GALNT16: variants seen among roughly 807,000 people sequenced by gnomAD.
GALNT16 encodes the protein UDP-GalNAc:polypeptide N-acetylgalactosaminyltransferase-like protein 1.
A neutral mutation model predicts 76.1 loss-of-function variants in GALNT16; 40 were observed. The ratio of observed to expected loss-of-function variants is 0.53; its 90% CI spans 0.41 to 0.68. GALNT16 has a LOEUF of 0.68. Ranked by LOEUF, GALNT16 falls within the 30% of genes least tolerant of loss-of-function variation. The pLI is 0.00. For missense variants in GALNT16, 621 were observed against 731.9 expected (o/e 0.85, Z 1.75); for synonymous variants, 276 against 285.2 (o/e 0.97, Z 0.32).
chr14:69,301,769 A>G (rs943103194), intron 1 of GALNT16, among the ~76,000 whole-genome samples: 1 of 152,126 alleles, frequency 6.6e-6, no homozygotes, highest in Non-Finnish European at 1.5e-5. Flanking sequence ...CAGGCAGATG[A>G]TTTGAGCTCA....
chr14:69,372,446 G>A, the GALNT16 span, among the ~76,000 whole-genome samples: 1 of 150,902 alleles, frequency 6.6e-6, no homozygotes, highest in African/African-American at 2.4e-5. Flanking sequence ...TCACACATAG[G>A]TCACAAGGCT....
intron 9 of GALNT16, among the ~76,000 whole-genome samples, chr14:69,335,383 A>T (rs539374113): frequency 8.5e-5 from 13 of 152,176 alleles, no homozygotes; most frequent in Non-Finnish European, 1.5e-4. Context: ...GACCCCTTTC[A>T]TGTGTTTTGG....
chr14:69,371,588 A>G, the GALNT16 span, among the ~76,000 whole-genome samples: 1 of 151,970 alleles, frequency 6.6e-6, no homozygotes, highest in Non-Finnish European at 1.5e-5. Context: ...TGGGGAATAC[A>G]TTTGATTAAG....
chr14:69,321,057 C>G (rs2045173901), intron 2 of GALNT16, among the ~76,000 whole-genome samples, 189 bp downstream of exon 2: 1 of 152,240 alleles, frequency 6.6e-6, no homozygotes, highest in Admixed American at 6.5e-5. Context: ...CTGCCAAGAC[C>G]AAGGAAACCG....
rs533164924 is a variant in GALNT16 at position 69,313,444 on chromosome 14, C to T, written c.178-7267C>T. On this transcript the variant is annotated intron_variant, in intron 1 of 14. Transcript: ENST00000448469. ...TCTGAGCAGAGACTGCCTGGAATGGCGGGCCTGATGCCTTGGCCTAGCCTT... is the reference window on the plus strand; with the variant it reads ...TCTGAGCAGAGACTGCCTGGAATGGTGGGCCTGATGCCTTGGCCTAGCCTT... Among the ~76,000 whole-genome samples the T allele has an allele frequency of 6.6e-5, 10 of 152,330 alleles. No homozygotes were observed. In the South Asian group the frequency reaches 1.9e-3, roughly 28 times the overall value.
chr14:69,344,745 G>A (rs575302298), intron 12 of GALNT16, among the ~76,000 whole-genome samples: 1 of 152,292 alleles, frequency 6.6e-6, no homozygotes, highest in Admixed American at 6.5e-5. Flanking sequence ...AACACCCTAA[G>A]CAACAAGGGA....
intron 1 of GALNT16, among the ~76,000 whole-genome samples, chr14:69,298,181 C>T (rs1320585864): frequency 2.6e-5 from 4 of 152,246 alleles, no homozygotes; most frequent in Non-Finnish European, 5.9e-5. Context: ...GGAGTTACAG[C>T]CTCTCAACAG....
At chr14:69,311,653 C>T (rs10459533) in intron 1 of GALNT16, among the ~76,000 whole-genome samples, 23,283 of 152,200 alleles carry the variant, frequency 0.15, 2,617 homozygotes, top group East Asian at 0.43. Flanking sequence ...TAATGTGTTT[C>T]TAAATTTGAC....
chr14:69,380,379 G>A, the GALNT16 span: 3 of 442,432 alleles, frequency 6.8e-6, no homozygotes, highest in East Asian at 3.4e-5. Context: ...GGGGGTTTCC[G>A]ATTGAACAAG....
chr14:69,294,826 C>T (rs2044733732), intron 1 of GALNT16, among the ~76,000 whole-genome samples: 1 of 152,164 alleles, frequency 6.6e-6, no homozygotes. Context: ...TCAAGGGATC[C>T]TCCTGCCTCA....
At chr14:69,382,435 A>G in the GALNT16 span, among the ~76,000 whole-genome samples, 1 of 152,230 alleles carries the variant, frequency 6.6e-6, no homozygotes, top group Admixed American at 6.5e-5. Context: ...CACAATTATC[A>G]TATCTGGGTG....
the GALNT16 span, among the ~76,000 whole-genome samples, chr14:69,378,697 C>T: frequency 3.3e-4 from 50 of 152,268 alleles, 2 homozygotes; most frequent in South Asian, 1.0e-2. Context: ...TCTCACATTC[C>T]TTTCTCATAT....
At chr14:69,306,036 C>G (rs1285948598) in intron 1 of GALNT16, among the ~76,000 whole-genome samples, 1 of 152,148 alleles carries the variant, frequency 6.6e-6, no homozygotes, top group Non-Finnish European at 1.5e-5. Context: ...TTCATCATTG[C>G]GTATTCTTGG....
At chr14:69,381,094 CAACA>C in the GALNT16 span, among the ~76,000 whole-genome samples, 1 of 152,094 alleles carries the variant, frequency 6.6e-6, no homozygotes, top group African/African-American at 2.4e-5. Context: ...CTAGCCTGGC[CAACA>C]TGGTGAAACC....
chr14:69,313,521 T>G (rs762852512), intron 1 of GALNT16, among the ~76,000 whole-genome samples: 1 of 128,830 alleles, frequency 7.8e-6, no homozygotes, highest in Non-Finnish European at 1.8e-5. Context: ...GCAGTGGGCC[T>G]CCCTCCACTT....
chr14:69,374,941 C>A, the GALNT16 span, among the ~76,000 whole-genome samples: 1 of 152,132 alleles, frequency 6.6e-6, no homozygotes, highest in Non-Finnish European at 1.5e-5. Context: ...CTCACTCCTG[C>A]GGAAATGACA....
chr14:69,372,940 TG>T, the GALNT16 span, among the ~76,000 whole-genome samples: 1 of 152,178 alleles, frequency 6.6e-6, no homozygotes, highest in African/African-American at 2.4e-5. Context: ...GCAAAATAAT[TG>T]GGATGAGCAT....
In GALNT16 at chr14:69,261,867, C is replaced by T. The variant is rs959592838; in HGVS notation, c.177+1400C>T. ...TCTGGGTGAACTCTCTGGGGGCAAG[C>T]CTGATTAGGTGCACTGTTCCCTTCT... On this transcript the variant is annotated intron_variant, in intron 1 of 14. Coordinates refer to ENST00000448469, the MANE Select transcript of GALNT16 (RefSeq NM_001168368.2). The surrounding 1 kb of genome is among the most constrained non-coding windows in gnomAD (Gnocchi z 6.4). Among the ~76,000 whole-genome samples, 2 of 152,130 alleles carry T rather than the reference C, an allele frequency of 1.3e-5. No homozygotes were observed. Among genetic ancestry groups the T allele is most frequent in the African/African-American group, 4.8e-5 (2 of 41,408 alleles).
downstream of GALNT16, chr14:69,358,346 A>C (rs930504011): frequency 6.6e-6 from 1 of 152,350 alleles, no homozygotes; most frequent in African/African-American, 2.4e-5. Context: ...AGTTCCCACA[A>C]CCCTGTCAGG....
Sources: allele counts gnomAD v4.1 joint callset (sites outside exome capture counted in the v4.1 genomes callset), GRCh38; gene constraint gnomAD v4.1.1; non-coding constraint Gnocchi (gnomAD v3.1); transcripts MANE v1.5; gene names NCBI Gene and HGNC (gene_info 2026-07-23, HGNC 2026-07-21).